Variants in ITPR2 observed in about 807,000 individuals in gnomAD.
ITPR2 encodes the protein inositol 1,4,5-trisphosphate receptor type 2, also known as inositol 1,4,5-trisphosphate-gated calcium channel ITPR2.
In ITPR2, 207 loss-of-function variants were observed where a neutral mutation model predicts 317.1. That is an observed-to-expected ratio of 0.65 (90% confidence interval 0.58 to 0.73). ITPR2 has a LOEUF of 0.73. Among genes scored for constraint, ITPR2 ranks in the 30% least tolerant of loss-of-function variants. The pLI is 0.00. For missense variants in ITPR2, 2,613 were observed against 3,284.0 expected, an observed-to-expected ratio of 0.80 and a Z score of 4.99; for synonymous variants, 1,156 against 1,149.1, an observed-to-expected ratio of 1.01 and a Z score of -0.12.
chr12:26,646,147 C>T (rs542485534), intron 21 of ITPR2, among the ~76,000 whole-genome samples: 12 of 152,002 alleles, frequency 7.9e-5, no homozygotes, highest in South Asian at 2.1e-4. Context: ...AAAAGAAGAA[C>T]GCCATTCAAT....
In ITPR2 at chr12:26,602,372, T is replaced by A. The variant is rs1268562836; in HGVS notation, c.3676A>T (p.Lys1226Ter). ...VLDLLQIPYE[K>*]NDEKMNEVMN... ...AACAAAAAATAACCAGGACTAACCT[T>A]TTCATAGGGTATCTGCAGAAGATCC... is the stretch of plus-strand genomic sequence containing the variant. Residue 1226 changes from lysine to a stop codon, truncating the protein, a stop_gained and splice_region_variant, in exon 28 of 57, where the codon AAG becomes TAG. Transcript: ENST00000381340. LOFTEE classifies it high-confidence loss of function. The A allele has an allele frequency of 6.2e-7, 1 of 1,611,162 alleles. No individual in the cohort carries two copies. Among genetic ancestry groups the A allele is most frequent in the Non-Finnish European group, 8.5e-7 (1 of 1,178,932 alleles).
intron 2 of ITPR2, 138 bp from the exon 3 acceptor site, chr12:26,725,903 C>G (rs1421269022): frequency 1.7e-6 from 1 of 594,950 alleles, no homozygotes; most frequent in Non-Finnish European, 3.0e-6. Flanking sequence ...GTCCTCCAGC[C>G]AACTCTCCAT....
Position 26,481,117 on chromosome 12 carries a change from T to G in ITPR2, c.6123+14A>C, listed in dbSNP as rs777091789. On this transcript the variant is annotated intron_variant, in intron 43 of 56. Coordinates refer to ENST00000381340, the MANE Select transcript of ITPR2 (RefSeq NM_002223.4). ...ACTGTAGCTTTTCTGGCCTGAACAG[T>G]GGAATCGCTCTACCTTTAGCTGGAG... The G allele has an allele frequency of 6.7e-7, 1 of 1,491,704 alleles. No homozygotes were observed. Among genetic ancestry groups the G allele is most frequent in the African/African-American group, 1.4e-5 (1 of 72,438 alleles). The allele number at this position is 1,491,704 out of a possible 1,614,324, so 92.4% of individuals were successfully genotyped here.
intron 55 of ITPR2, among the ~76,000 whole-genome samples, chr12:26,380,380 C>A (rs1939471813): frequency 6.6e-6 from 1 of 152,042 alleles, no homozygotes; most frequent in South Asian, 2.1e-4. Context: ...CAATAAAAAT[C>A]CAGAGAGGGG....
intron 21 of ITPR2, among the ~76,000 whole-genome samples, chr12:26,648,417 C>T (rs552146881): frequency 2.5e-4 from 37 of 150,830 alleles, no homozygotes; most frequent in Admixed American, 4.6e-4. Context: ...TTCTAGTACA[C>T]AAAATTTTCC....
chr12:26,798,165 C>T (rs977395865), intron 1 of ITPR2, among the ~76,000 whole-genome samples: 2 of 152,132 alleles, frequency 1.3e-5, no homozygotes, highest in Admixed American at 6.5e-5. Context: ...ACAACCCTGG[C>T]ACGTCATTCA....
At chr12:26,780,946 C>G (rs574444936) in intron 2 of ITPR2, among the ~76,000 whole-genome samples, 1 of 152,138 alleles carries the variant, frequency 6.6e-6, no homozygotes, top group Non-Finnish European at 1.5e-5. Flanking sequence ...AGTCAACAGG[C>G]TAAGAAGGGA....
intron 2 of ITPR2, among the ~76,000 whole-genome samples, chr12:26,772,441 T>TTATA (rs1203759099): frequency 9.9e-6 from 1 of 101,262 alleles, no homozygotes; most frequent in African/African-American, 3.7e-5. Context: ...AATACATGTA[T>TTATA]TATATATATT....
intron 10 of ITPR2, among the ~76,000 whole-genome samples, chr12:26,690,377 G>GA (rs1948214148): frequency 6.6e-6 from 1 of 151,828 alleles, no homozygotes. Context: ...AGTCTTCTTG[G>GA]AAAAATAGCA....
At position 26,475,421 on chromosome 12, in the gene ITPR2, A is replaced by G. The variant is rs1425254352; in HGVS notation, c.6220-3T>C. ...TAGGCATTCTTCATCACATCCACCT[A>G]TCCAAAAAAAAAAAGAATATTGAAA... On this transcript the variant is annotated splice_polypyrimidine_tract_variant and splice_region_variant and intron_variant, in intron 44 of 56. Coordinates refer to ENST00000381340, the MANE Select transcript of ITPR2 (RefSeq NM_002223.4). The G allele has an allele frequency of 6.2e-7, 1 of 1,602,062 alleles. No individual in the cohort carries two copies. Among genetic ancestry groups the G allele is most frequent in the Non-Finnish European group, 8.5e-7 (1 of 1,176,584 alleles).
intron 35 of ITPR2, among the ~76,000 whole-genome samples, chr12:26,557,769 T>C (rs1004570665): frequency 2.6e-5 from 4 of 152,350 alleles, no homozygotes; most frequent in Non-Finnish European, 4.4e-5. Context: ...TTAACTGATA[T>C]GTTTCTAAAA....
chr12:26,684,881 A>AGAG (rs1183274706), intron 11 of ITPR2, among the ~76,000 whole-genome samples: 1 of 152,144 alleles, frequency 6.6e-6, no homozygotes, highest in African/African-American at 2.4e-5. Context: ...GGAGAAAGCC[A>AGAG]GAGACCTGGG....
At chr12:26,407,379 G>A (rs1292655914) in intron 52 of ITPR2, among the ~76,000 whole-genome samples, 1 of 152,052 alleles carries the variant, frequency 6.6e-6, no homozygotes, top group Non-Finnish European at 1.5e-5. Flanking sequence ...CCTGTGCAAT[G>A]TGGGATGCTT....
chr12:26,732,026 C>G (rs558676089), intron 2 of ITPR2, among the ~76,000 whole-genome samples: 6 of 151,292 alleles, frequency 4.0e-5, no homozygotes, highest in Admixed American at 6.6e-5. Flanking sequence ...TCTATCCCCC[C>G]ACCTGCCTTG....
At chr12:26,429,212 C>T (rs1030006530) in intron 48 of ITPR2, among the ~76,000 whole-genome samples, 2 of 152,034 alleles carry the variant, frequency 1.3e-5, no homozygotes, top group African/African-American at 4.8e-5. Flanking sequence ...AAAAGACAAA[C>T]AAAAAATCAG....
intron 51 of ITPR2, among the ~76,000 whole-genome samples, chr12:26,412,114 G>C (rs574682083): frequency 1.1e-4 from 17 of 152,202 alleles, no homozygotes; most frequent in Admixed American, 2.0e-4. Context: ...TTTTCCCATA[G>C]AGCCATCGAG....
At chr12:26,527,985 A>G (rs956781191) in intron 37 of ITPR2, among the ~76,000 whole-genome samples, 10 of 152,180 alleles carry the variant, frequency 6.6e-5, no homozygotes, top group Admixed American at 3.3e-4. Flanking sequence ...TGGTTTGGAA[A>G]GAAGGAATAA....
At chr12:26,691,118 G>A (rs1212671323) in intron 10 of ITPR2, among the ~76,000 whole-genome samples, 1 of 152,142 alleles carries the variant, frequency 6.6e-6, no homozygotes, top group Non-Finnish European at 1.5e-5. Flanking sequence ...CAGTCTGACA[G>A]TAAACTTCAA....
At chr12:26,574,620 C>T (rs183037531) in intron 34 of ITPR2, among the ~76,000 whole-genome samples, 2 of 152,192 alleles carry the variant, frequency 1.3e-5, no homozygotes, top group East Asian at 3.9e-4. Flanking sequence ...TCTTGTGTTG[C>T]TAAAAAGAAA....
Sources: gnomAD v4.1 joint callset for allele counts (sites outside exome capture counted in the v4.1 genomes callset) on GRCh38, gnomAD v4.1.1 for gene constraint, MANE v1.5 for transcripts, NCBI Gene and HGNC (gene_info 2026-07-23, HGNC 2026-07-21) for gene names.